Variants in CSMD1 observed in about 807,000 individuals in gnomAD.
CSMD1 encodes the protein CUB and sushi domain-containing protein 1.
In CSMD1, 213 loss-of-function variants were observed where a neutral mutation model predicts 417.5. The ratio of observed to expected loss-of-function variants is 0.51; its 90% confidence interval spans 0.46 to 0.57. CSMD1 has a LOEUF of 0.57. CSMD1 is among the 20% of genes least tolerant of loss of function. The pLI, the probability that CSMD1 is intolerant of heterozygous loss-of-function variation, is 0.00. For missense variants in CSMD1, 6,923 were observed against 4,529.7 expected (o/e 1.53, Z -15.17); for synonymous variants, 2,862 against 1,736.8 (o/e 1.65, Z -16.11).
chr8:4,218,068 C>T (rs1800791026), intron 3 of CSMD1, among the ~76,000 whole-genome samples: 1 of 152,104 alleles, frequency 6.6e-6, no homozygotes, highest in Non-Finnish European at 1.5e-5. Context: ...CCCACTGATG[C>T]CTGAGGTTGC....
Position 3,577,984 on chromosome 8 carries a change from G to A in CSMD1, c.1223-2918C>T, listed in dbSNP as rs143785007. 4.7e-3 allele frequency among the ~76,000 whole-genome samples: 720 copies of A among 152,206 alleles called. 2 individuals are homozygous for A. Among genetic ancestry groups the A allele is most frequent in the Middle Eastern group, 0.01 (3 of 294 alleles). ...GATTTCTACCAGCCGATGTCCACAC[G>A]GTGGTGAACAGAGTGTCTGTTGTCC... On this transcript the variant is annotated intron_variant, in intron 9 of 69. Transcript: ENST00000635120.
intron 5 of CSMD1, among the ~76,000 whole-genome samples, chr8:3,759,067 G>T (rs992696872): frequency 1.3e-5 from 2 of 152,176 alleles, no homozygotes; most frequent in African/African-American, 4.8e-5. Flanking sequence ...CAGCCCAGCT[G>T]ACACCTTGAT....
chr8:3,641,898 T>G (rs933701656), intron 7 of CSMD1, among the ~76,000 whole-genome samples: 1 of 152,220 alleles, frequency 6.6e-6, no homozygotes, highest in Non-Finnish European at 1.5e-5. Context: ...ATAGGCAATG[T>G]GTGGAAACTA....
At chr8:4,020,059 G>C (rs1382715408) in intron 4 of CSMD1, among the ~76,000 whole-genome samples, 1 of 152,134 alleles carries the variant, frequency 6.6e-6, no homozygotes, top group Middle Eastern at 3.2e-3. Flanking sequence ...GTGGAAGGGA[G>C]AGGAGATAGA....
chr8:3,297,778 C>G (rs954509878), intron 25 of CSMD1, among the ~76,000 whole-genome samples: 2 of 151,958 alleles, frequency 1.3e-5, no homozygotes, highest in Non-Finnish European at 2.9e-5. Context: ...TCACTAAAGC[C>G]AACCTTAACA....
intron 5 of CSMD1, among the ~76,000 whole-genome samples, chr8:3,986,142 G>T (rs57027489): frequency 0.26 from 39,218 of 151,696 alleles, 5,116 homozygotes; most frequent in East Asian, 0.38. Flanking sequence ...CAAGTGACTT[G>T]AAGGCATCAC....
At chr8:4,366,698 TTTTC>T (rs1322743037) in intron 3 of CSMD1, among the ~76,000 whole-genome samples, 2 of 152,018 alleles carry the variant, frequency 1.3e-5, no homozygotes, top group East Asian at 1.9e-4. Context: ...CGTTTTTTCT[TTTTC>T]TTTTATTTTA....
At chr8:4,584,940 G>C (rs1471942059) in intron 2 of CSMD1, among the ~76,000 whole-genome samples, 1 of 152,102 alleles carries the variant, frequency 6.6e-6, no homozygotes, top group Non-Finnish European at 1.5e-5. Flanking sequence ...ATCAGCCCCA[G>C]TCTAACTGCC....
chr8:4,577,025 T>G (rs1185283090), intron 2 of CSMD1, among the ~76,000 whole-genome samples: 1 of 152,186 alleles, frequency 6.6e-6, no homozygotes, highest in Non-Finnish European at 1.5e-5. Flanking sequence ...AGATCTTGAA[T>G]TTTTATTTCT....
intron 27 of CSMD1, among the ~76,000 whole-genome samples, chr8:3,227,229 T>C (rs1348978279): frequency 6.6e-6 from 1 of 151,872 alleles, no homozygotes; most frequent in Non-Finnish European, 1.5e-5. Flanking sequence ...TGAAAACCCA[T>C]CTCTACTAAA....
intron 3 of CSMD1, among the ~76,000 whole-genome samples, chr8:4,213,782 A>C (rs577720661): frequency 2.1e-4 from 32 of 152,292 alleles, no homozygotes; most frequent in African/African-American, 7.5e-4. Flanking sequence ...AGCTGTGGTG[A>C]GGGTGGAACG....
chr8:4,248,370 G>T (rs1258974245), intron 3 of CSMD1, among the ~76,000 whole-genome samples: 1 of 152,098 alleles, frequency 6.6e-6, no homozygotes, highest in African/African-American at 2.4e-5. Context: ...TCATCCCTTG[G>T]TGAGTGCTGG....
intron 2 of CSMD1, among the ~76,000 whole-genome samples, chr8:4,608,234 G>C (rs1002073205): frequency 6.6e-6 from 1 of 152,186 alleles, no homozygotes; most frequent in Non-Finnish European, 1.5e-5. Context: ...AGCATTTTGA[G>C]CTGGAGATTT....
At chr8:3,142,189 C>T (rs1363861892) in intron 41 of CSMD1, among the ~76,000 whole-genome samples, 1 of 152,160 alleles carries the variant, frequency 6.6e-6, no homozygotes, top group Non-Finnish European at 1.5e-5. Context: ...TCTGGCTCTG[C>T]GTGAATTACT....
intron 7 of CSMD1, among the ~76,000 whole-genome samples, chr8:3,617,686 G>A (rs1325718973): frequency 6.6e-6 from 1 of 152,152 alleles, no homozygotes; most frequent in Non-Finnish European, 1.5e-5. Context: ...ACAACAGCAT[G>A]TATGCAACAG....
chr8:4,773,091 C>G (rs1007782962), intron 1 of CSMD1, among the ~76,000 whole-genome samples: 1 of 152,080 alleles, frequency 6.6e-6, no homozygotes, highest in African/African-American at 2.4e-5. Flanking sequence ...AGATTTTTTT[C>G]AGATTTGGGA....
At chr8:3,388,501 T>C (rs1811148059) in intron 17 of CSMD1, among the ~76,000 whole-genome samples, 1 of 152,234 alleles carries the variant, frequency 6.6e-6, no homozygotes, top group Non-Finnish European at 1.5e-5. Context: ...ATCAGAACAT[T>C]AGAATGAATA....
intron 7 of CSMD1, among the ~76,000 whole-genome samples, chr8:3,648,677 C>T (rs1181179860): frequency 2.6e-5 from 4 of 152,160 alleles, no homozygotes; most frequent in East Asian, 1.9e-4. Context: ...TACGGCTATA[C>T]CAAATCCTAT....
chr8:3,174,012 T>C (rs751459059), intron 37 of CSMD1, among the ~76,000 whole-genome samples: 2 of 152,172 alleles, frequency 1.3e-5, no homozygotes, highest in Non-Finnish European at 2.9e-5. Context: ...TAAGTACCTG[T>C]TTTGAGATGA....
Sources: allele counts gnomAD v4.1 joint callset (sites outside exome capture counted in the v4.1 genomes callset), GRCh38; gene constraint gnomAD v4.1.1; transcripts MANE v1.5; gene names NCBI Gene and HGNC (gene_info 2026-07-23, HGNC 2026-07-21).